The following ZNF475 variants were observed in gnomAD, a reference collection of about 807,000 sequenced individuals.
The protein encoded by ZNF475 is zinc finger protein 475.
At chr5:122,162,547 T>C in the ZNF475 span, 2 of 152,206 alleles carry the variant, frequency 1.3e-5, no homozygotes, top group African/African-American at 4.8e-5. Flanking sequence ...GAGTAGAAAC[T>C]TAATTGTATA....
chr5:122,166,363 T>C, the ZNF475 span, among the ~76,000 whole-genome samples: 1 of 152,198 alleles, frequency 6.6e-6, no homozygotes, highest in Admixed American at 6.5e-5. Flanking sequence ...TTTTTAGTTA[T>C]ACTTTAAGTT....
the ZNF475 span, among the ~76,000 whole-genome samples, chr5:122,171,843 G>C: frequency 1.3e-5 from 2 of 151,802 alleles, no homozygotes; most frequent in African/African-American, 4.8e-5. Flanking sequence ...GGCTCAGGTG[G>C]TCCTCCCACT....
chr5:122,165,969 G>A, the ZNF475 span, among the ~76,000 whole-genome samples: 1 of 152,164 alleles, frequency 6.6e-6, no homozygotes, highest in African/African-American at 2.4e-5. Context: ...TTTTGTAATG[G>A]TTACAGATAA....
chr5:122,167,625 A>G, the ZNF475 span, among the ~76,000 whole-genome samples: 16 of 152,362 alleles, frequency 1.1e-4, no homozygotes, highest in African/African-American at 3.6e-4. Flanking sequence ...ACTAAACTGT[A>G]TCTGCACTAG....
the ZNF475 span, among the ~76,000 whole-genome samples, chr5:122,166,736 C>G: frequency 0.086 from 13,089 of 152,222 alleles, 668 homozygotes; most frequent in South Asian, 0.12. Context: ...TCCAGTCTAT[C>G]GTTGACGGAC....
chr5:122,174,175 A>G, the ZNF475 span, among the ~76,000 whole-genome samples: 1 of 152,052 alleles, frequency 6.6e-6, no homozygotes. Flanking sequence ...CCAGAGCTAC[A>G]GTCTCTTCTT....
chr5:122,182,416 A>T, the ZNF475 span: 2 of 1,202,196 alleles, frequency 1.7e-6, no homozygotes, highest in Non-Finnish European at 2.2e-6. Context: ...GATCCATTTT[A>T]CCTTTTTCTT....
the ZNF475 span, among the ~76,000 whole-genome samples, chr5:122,169,378 T>C: frequency 3.2e-4 from 49 of 152,164 alleles, no homozygotes; most frequent in Admixed American, 3.0e-3. Context: ...ATAGTTTATA[T>C]GTTTGCCTCC....
At chr5:122,163,751 TC>T in the ZNF475 span, among the ~76,000 whole-genome samples, 1 of 152,064 alleles carries the variant, frequency 6.6e-6, no homozygotes, top group Non-Finnish European at 1.5e-5. Context: ...AAAGCAAAAA[TC>T]CCCCAGAGAG....
At chr5:122,176,783 G>T in the ZNF475 span, among the ~76,000 whole-genome samples, 1 of 152,156 alleles carries the variant, frequency 6.6e-6, no homozygotes, top group African/African-American at 2.4e-5. Flanking sequence ...TTCAAACTTA[G>T]GTAGGCCTTT....
the ZNF475 span, among the ~76,000 whole-genome samples, chr5:122,163,945 T>A: frequency 6.6e-6 from 1 of 151,334 alleles, no homozygotes; most frequent in African/African-American, 2.4e-5. Context: ...ACAATCTCTG[T>A]GTCACCTTTT....
the ZNF475 span, chr5:122,179,828 C>T: frequency 4.8e-6 from 4 of 832,126 alleles, no homozygotes; most frequent in African/African-American, 6.9e-5. Context: ...TTCAAACGAC[C>T]AAAATCAACA....
chr5:122,174,329 G>A, the ZNF475 span, among the ~76,000 whole-genome samples: 1 of 152,316 alleles, frequency 6.6e-6, no homozygotes, highest in African/African-American at 2.4e-5. Flanking sequence ...AGATTGCTCA[G>A]CTTTCCCTGG....
chr5:122,168,640 G>C, the ZNF475 span, among the ~76,000 whole-genome samples: 1 of 152,192 alleles, frequency 6.6e-6, no homozygotes, highest in African/African-American at 2.4e-5. Flanking sequence ...GTGAACCCAG[G>C]AGGCAGAACT....
chr5:122,176,249 C>T, the ZNF475 span, among the ~76,000 whole-genome samples: 2 of 152,132 alleles, frequency 1.3e-5, no homozygotes, highest in Admixed American at 1.3e-4. Flanking sequence ...AATTTTTCTC[C>T]ATATATTCTT....
the ZNF475 span, among the ~76,000 whole-genome samples, chr5:122,160,919 G>A: frequency 2.0e-5 from 3 of 152,074 alleles, no homozygotes; most frequent in African/African-American, 7.2e-5. Flanking sequence ...AAATTCCAAG[G>A]TCAACAACTA....
chr5:122,165,393 A>G, the ZNF475 span, among the ~76,000 whole-genome samples: 3 of 152,218 alleles, frequency 2.0e-5, no homozygotes, highest in Admixed American at 6.5e-5. Flanking sequence ...GTACACATTG[A>G]CATATATGGT....
At chr5:122,161,981 A>T in the ZNF475 span, among the ~76,000 whole-genome samples, 8 of 140,422 alleles carry the variant, frequency 5.7e-5, no homozygotes, top group Admixed American at 4.3e-4. Context: ...TGTGAAAATT[A>T]AAAAAAAAAA....
the ZNF475 span, among the ~76,000 whole-genome samples, chr5:122,169,385 C>T: frequency 2.6e-5 from 4 of 152,126 alleles, no homozygotes; most frequent in Admixed American, 2.6e-4. Flanking sequence ...ATATGTTTGC[C>T]TCCATAACTA....
Sources: gnomAD v4.1 joint callset for allele counts (sites outside exome capture counted in the v4.1 genomes callset) on GRCh38, gnomAD v4.1.1 for gene constraint, MANE v1.5 for transcripts, NCBI Gene and HGNC (gene_info 2026-07-23, HGNC 2026-07-21) for gene names.